Variants in NEK1 observed in about 807,000 individuals in gnomAD.
NEK1 encodes serine/threonine-protein kinase Nek1.
NEK1 carries 137 observed loss-of-function variants against 182.1 expected under a neutral mutation model. The ratio of observed to expected loss-of-function variants is 0.75; its 90% CI spans 0.65 to 0.87. The LOEUF is 0.87. Ranked by LOEUF, NEK1 falls within the 40% of genes least tolerant of loss-of-function variation. NEK1 has a pLI of 0.00. For missense variants in NEK1, 1,391 were observed against 1,494.4 expected, an observed-to-expected ratio of 0.93 and a Z score of 1.14; for synonymous variants, 513 against 492.2, an observed-to-expected ratio of 1.04 and a Z score of -0.56.
At chr4:169,423,528 C>G (rs1038461374) in intron 31 of NEK1, among the ~76,000 whole-genome samples, 4 of 152,062 alleles carry the variant, frequency 2.6e-5, no homozygotes, top group African/African-American at 9.7e-5. Context: ...GTATACAAAT[C>G]AATAACATTA....
intron 23 of NEK1, among the ~76,000 whole-genome samples, chr4:169,494,845 C>A (rs1750855773): frequency 6.6e-6 from 1 of 152,160 alleles, no homozygotes. Context: ...TCTCTGATGG[C>A]CAGTGATGAT....
chr4:169,496,453 G>A (rs1178482566), intron 23 of NEK1, among the ~76,000 whole-genome samples: 1 of 151,080 alleles, frequency 6.6e-6, no homozygotes, highest in Non-Finnish European at 1.5e-5. Context: ...GAATAGGAGT[G>A]GTGAGAGAGG....
In NEK1 at chr4:169,575,225, C is replaced by T. The variant is rs1470318658; in HGVS notation, c.1020+1703G>A. On this transcript the variant is annotated intron_variant, in intron 12 of 35. Transcript: ENST00000507142. ...TACATCTTTTTAAAGATAGATAAAA[C>T]CAGCAGGCCAGTTACCATATTGCCC... Among the ~76,000 whole-genome samples the T allele has an allele frequency of 2.6e-5, 4 of 152,322 alleles. No individual in the cohort carries two copies. The Middle Eastern group carries it at 0.014, about 518-fold the overall frequency.
intron 23 of NEK1, among the ~76,000 whole-genome samples, chr4:169,482,293 CTTT>C (rs1442893467): frequency 1.3e-5 from 2 of 151,496 alleles, no homozygotes; most frequent in Non-Finnish European, 2.9e-5. Context: ...TTCTTTCTTT[CTTT>C]TTTTTCTAAG....
chr4:169,415,321 G>A (rs1734358862), intron 31 of NEK1, among the ~76,000 whole-genome samples: 1 of 152,156 alleles, frequency 6.6e-6, no homozygotes, highest in South Asian at 2.1e-4. Context: ...AGTAGAAGTA[G>A]TACTGAAGTT....
chr4:169,593,897 G>A (rs746046870), intron 5 of NEK1, among the ~76,000 whole-genome samples: 3 of 151,780 alleles, frequency 2.0e-5, no homozygotes, highest in African/African-American at 2.4e-5. Context: ...GCTGAGGCAG[G>A]AGAATGGCGT....
At chr4:169,593,513 C>CAT (rs1561477097) in intron 5 of NEK1, among the ~76,000 whole-genome samples, 3 of 152,184 alleles carry the variant, frequency 2.0e-5, no homozygotes, top group Admixed American at 6.5e-5. Flanking sequence ...TAAAGCTGGA[C>CAT]AGAAGAGGTG....
chr4:169,556,896 G>A (rs1174395369), intron 16 of NEK1, among the ~76,000 whole-genome samples: 3 of 152,102 alleles, frequency 2.0e-5, no homozygotes, highest in African/African-American at 2.4e-5. Flanking sequence ...ATTTAGGTAT[G>A]GAAGGTGGAA....
At position 169,393,618 on chromosome 4, in the gene NEK1, A is replaced by G. The variant is rs968994354; in HGVS notation, c.*892T>C. 1 of 152,174 alleles carries G rather than the reference A, an allele frequency of 6.6e-6. No individual in the cohort carries two copies. Among genetic ancestry groups the G allele is most frequent in the African/African-American group, 2.4e-5 (1 of 41,436 alleles). 9.4% of individuals were successfully genotyped at this position (152,174 alleles called of 1,614,324 possible). ...ACAGAAAGAAGTTCAACAGGCAAAC[A>G]TTTCCCTCCCTAGGATCCTAGTTAC... On this transcript the variant is annotated 3_prime_UTR_variant, in exon 36 of 36. Coordinates refer to ENST00000507142, the MANE Select transcript of NEK1 (RefSeq NM_001199397.3).
chr4:169,430,137 A>C (rs933215408), intron 29 of NEK1, among the ~76,000 whole-genome samples: 1 of 152,180 alleles, frequency 6.6e-6, no homozygotes, highest in Non-Finnish European at 1.5e-5. Flanking sequence ...AAAATGATTT[A>C]AAAAATAGAA....
chr4:169,535,880 CAAA>C (rs58257441), intron 19 of NEK1, among the ~76,000 whole-genome samples: 8 of 84,980 alleles, frequency 9.4e-5, no homozygotes, highest in Admixed American at 2.6e-4. Flanking sequence ...AACTCCGTGT[CAAA>C]AAAAAAAAAA....
chr4:169,414,417 TA>T (rs1734178522), intron 31 of NEK1, among the ~76,000 whole-genome samples: 1 of 152,142 alleles, frequency 6.6e-6, no homozygotes, highest in Non-Finnish European at 1.5e-5. Context: ...CCAATAACCC[TA>T]TATAGAAAAT....
At chr4:169,569,243 ACCT>A (rs1764227134) in intron 12 of NEK1, among the ~76,000 whole-genome samples, 1 of 152,188 alleles carries the variant, frequency 6.6e-6, no homozygotes, top group Admixed American at 6.5e-5. Context: ...CCTTTTCATT[ACCT>A]CAACCTGAAG....
At chr4:169,422,405 C>T (rs1034207197) in intron 31 of NEK1, among the ~76,000 whole-genome samples, 29 of 152,108 alleles carry the variant, frequency 1.9e-4, no homozygotes, top group African/African-American at 6.8e-4. Flanking sequence ...GTTGATGACA[C>T]GGGTTAGAGT....
chr4:169,531,581 G>A lies in NEK1; in HGVS notation c.1665+6228C>T, dbSNP rs548412694. 5.3e-5 allele frequency among the ~76,000 whole-genome samples: 8 copies of A among 152,096 alleles called. No homozygotes were observed. In the South Asian group the frequency reaches 8.3e-4, roughly 16 times the overall value. On this transcript the variant is annotated intron_variant, in intron 19 of 35. Transcript: ENST00000507142. The stretch of plus-strand genomic sequence containing the variant: ...AGGAGAAACTTTCTTAAGCAGATAA[G>A]TGATGGAATAAGGCCCGAAAGTAAG...
At position 169,529,541 on chromosome 4, in the gene NEK1, C is replaced by T. The variant is rs72974728; in HGVS notation, c.1665+8268G>A. ...ATAAGCTGAGTTCTTAGACATAACA[C>T]GAAAAGCATGATCCAAACAAAAAAA... On this transcript the variant is annotated intron_variant, in intron 19 of 35. Coordinates refer to ENST00000507142, the MANE Select transcript of NEK1 (RefSeq NM_001199397.3). 8.2e-3 allele frequency among the ~76,000 whole-genome samples: 1,242 copies of T among 152,118 alleles called. 19 individuals carry two copies. Among genetic ancestry groups the T allele is most frequent in the African/African-American group, 0.027 (1,134 of 41,492 alleles).
chr4:169,509,736 T>G (rs1753881555), intron 19 of NEK1, among the ~76,000 whole-genome samples: 1 of 152,100 alleles, frequency 6.6e-6, no homozygotes, highest in Non-Finnish European at 1.5e-5. Context: ...TTTTCTGTCA[T>G]AACATAATAC....
At chr4:169,505,587 T>C (rs1221190285) in intron 23 of NEK1, among the ~76,000 whole-genome samples, 1 of 152,250 alleles carries the variant, frequency 6.6e-6, no homozygotes, top group Admixed American at 6.5e-5. Context: ...ATGTGAATTT[T>C]TGACTGTGCA....
rs769818171 is a variant in NEK1 at position 169,463,378 on chromosome 4, C to T, written c.2452G>A (p.Val818Ile). 1.9e-6 allele frequency: 3 copies of T among 1,605,942 alleles called. No individual in the cohort carries two copies. The highest frequency in any genetic ancestry group is 2.2e-5 in the East Asian group (1 of 44,584). ...GATCCATTAGGACCTAATTTAATAA[C>T]TTCTCCCACTGTATGTCCTATAAGA... ...STTERHTVGEVIKLGPNGSPR... is the reference protein window; with the variant it reads ...STTERHTVGEIIKLGPNGSPR... The change falls in exon 27 of 36, where the codon GTT (valine) becomes ATT (isoleucine). Residue 818 changes from valine (V) to isoleucine (I), a missense_variant. By Grantham distance (29) the Val-to-Ile change is conservative (BLOSUM62 3). Coordinates refer to ENST00000507142, the MANE Select transcript of NEK1 (RefSeq NM_001199397.3).
Sources: gnomAD v4.1 joint callset for allele counts (sites outside exome capture counted in the v4.1 genomes callset) on GRCh38, gnomAD v4.1.1 for gene constraint, MANE v1.5 for transcripts, NCBI Gene and HGNC (gene_info 2026-07-23, HGNC 2026-07-21) for gene names.